Variants in IK observed in about 807,000 individuals in gnomAD.
The protein encoded by IK is protein Red.
A neutral mutation model predicts 90.9 loss-of-function variants in IK; 47 were observed. The observed-to-expected ratio is 0.52, with a 90% CI of 0.41 to 0.66. The LOEUF is 0.66. Among genes scored for constraint, IK ranks in the 30% least tolerant of loss-of-function variants. The pLI is 0.00. For synonymous variants in IK, 201 were observed against 227.5 expected, an observed-to-expected ratio of 0.88 and a Z score of 1.05; for missense variants, 385 against 709.3, an observed-to-expected ratio of 0.54 and a Z score of 5.19.
At chr5:140,660,296 T>TTTTTTTTTTTTTTTTTTTTTG (rs1757782599) in intron 15 of IK, 101 bp downstream of exon 15, 1 of 294,190 alleles carries the variant, frequency 3.4e-6, no homozygotes, top group Non-Finnish European at 5.9e-6. Flanking sequence ...CTACTTCTTT[T>TTTTTTTTTTTTTTTTTTTTTG]TTTTTTTTTT....
Position 140,647,837 on chromosome 5 carries a change from G to A in IK, c.-72G>A. On this transcript the variant is annotated 5_prime_UTR_variant, in exon 1 of 20. Transcript: ENST00000417647. ...TGGGTTGATTCTGAGGTGCACTGTG[G>A]GAAAGAGCTTGTCGCTGCGGTGTTG... 1 of 1,587,456 alleles carries A rather than the reference G, an allele frequency of 6.3e-7. No individual in the cohort carries two copies. The highest frequency in any genetic ancestry group is 8.7e-7 in the Non-Finnish European group (1 of 1,155,676).
At chr5:140,657,495 G>T in intron 9 of IK, 59 bp from the exon 10 acceptor site, 2 of 1,173,876 alleles carry the variant, frequency 1.7e-6, no homozygotes, top group South Asian at 2.7e-5. Context: ...GTGAATGAAT[G>T]AATAAATGAA....
At chr5:140,653,699 T>C (rs1056956686) in intron 5 of IK, among the ~76,000 whole-genome samples, 2 of 131,740 alleles carry the variant, frequency 1.5e-5, no homozygotes, top group Non-Finnish European at 1.6e-5. Context: ...CCGCCTCCCA[T>C]GTTCAGGCGA....
At chr5:140,662,279 A>G in intron 19 of IK, 23 bp from the exon 20 acceptor site, 1 of 1,613,948 alleles carries the variant, frequency 6.2e-7, no homozygotes, top group Non-Finnish European at 8.5e-7. Context: ...TCTTATACTG[A>G]CCCATTTCTC....
At chr5:140,660,060 A>C in intron 14 of IK, 55 bp from the exon 15 acceptor site, 1 of 1,516,534 alleles carries the variant, frequency 6.6e-7, no homozygotes. Flanking sequence ...CTCCTGGCTG[A>C]AGCTTTACAG....
intron 5 of IK, 45 bp from the exon 6 acceptor site, chr5:140,653,893 A>C (rs375938574): frequency 4.1e-6 from 5 of 1,221,980 alleles, no homozygotes; most frequent in Non-Finnish European, 6.0e-6. Context: ...GTGATCCACC[A>C]CGCCTGGACA....
intron 2 of IK, 37 bp downstream of exon 2, chr5:140,648,574 G>C (rs759845690): frequency 6.3e-7 from 1 of 1,579,632 alleles, no homozygotes; most frequent in Non-Finnish European, 8.7e-7. Flanking sequence ...AAATGAGTTG[G>C]GCAATGAATA....
chr5:140,657,420 C>A, intron 9 of IK, 134 bp from the exon 10 acceptor site: 1 of 606,608 alleles, frequency 1.6e-6, no homozygotes, highest in Non-Finnish European at 2.9e-6. Context: ...CTGGAATATC[C>A]TTTCACAGCA....
intron 9 of IK, among the ~76,000 whole-genome samples, chr5:140,656,575 T>C (rs1363581821): frequency 6.6e-6 from 1 of 152,230 alleles, no homozygotes; most frequent in Non-Finnish European, 1.5e-5. Context: ...TATCTTGTTA[T>C]TGAGGTGTTA....
At chr5:140,647,983 A>C (rs1757508762) in intron 1 of IK, 59 bp downstream of exon 1, 2 of 1,527,594 alleles carry the variant, frequency 1.3e-6, no homozygotes. Flanking sequence ...TTGGCGCATT[A>C]TTGTAGCTTC....
In IK at chr5:140,653,117, A is replaced by G; in HGVS notation, c.377A>G (p.Tyr126Cys). 1 of 1,613,934 alleles carries G rather than the reference A, an allele frequency of 6.2e-7. No individual in the cohort carries two copies. The highest frequency in any genetic ancestry group is 8.5e-7 in the Non-Finnish European group (1 of 1,179,854). Residue 126 changes from tyrosine to cysteine, a missense_variant, in exon 5 of 20, where the codon TAT (tyrosine) becomes TGT (cysteine). Physicochemically the swap from Tyr to Cys is radical, Grantham distance 194. Coordinates refer to ENST00000417647, the MANE Select transcript of IK (RefSeq NM_006083.4). ...GAGCTTATCAGCACCACAGCTAACTATAGGGCTGTTGGCCCCACTGCTGAG... is the reference window on the plus strand; with the variant it reads ...GAGCTTATCAGCACCACAGCTAACTGTAGGGCTGTTGGCCCCACTGCTGAG... ...ETELISTTANYRAVGPTAEAD... is the reference protein window; with the variant it reads ...ETELISTTANCRAVGPTAEAD...
At chr5:140,652,032 G>A in intron 3 of IK, 56 bp from the exon 4 acceptor site, 1 of 1,356,316 alleles carries the variant, frequency 7.4e-7, no homozygotes, top group Non-Finnish European at 1.1e-6. Context: ...AGACTTCTTG[G>A]GGTTTCTGGG....
intron 8 of IK, 46 bp downstream of exon 8, chr5:140,654,773 G>A (rs762263945): frequency 4.8e-6 from 6 of 1,251,440 alleles, no homozygotes; most frequent in South Asian, 2.6e-5. Flanking sequence ...TGGATGAATT[G>A]TACGGAATTT....
intron 2 of IK, 28 bp from the exon 3 acceptor site, chr5:140,651,686 T>C (rs749382742): frequency 2.6e-6 from 3 of 1,159,778 alleles, no homozygotes; most frequent in Non-Finnish European, 3.9e-6. Flanking sequence ...TGAGTCCTAA[T>C]ATTTAAAATC....
chr5:140,660,528 C>T, intron 15 of IK: 1 of 546,040 alleles, frequency 1.8e-6, no homozygotes, highest in East Asian at 3.0e-5. Flanking sequence ...GAACTCCTGA[C>T]CTCAGGTAAT....
At chr5:140,648,430 CG>C (rs761856048) in intron 1 of IK, 40 bp from the exon 2 acceptor site, 57 of 1,590,386 alleles carry the variant, frequency 3.6e-5, no homozygotes, top group Admixed American at 2.2e-4. Context: ...GGATCTGACA[CG>C]TAAGAGACTG....
chr5:140,652,052 AT>A (rs1363694753), intron 3 of IK, 35 bp from the exon 4 acceptor site: 1 of 1,553,152 alleles, frequency 6.4e-7, no homozygotes, highest in Non-Finnish European at 8.9e-7. Flanking sequence ...GGCTGTGGCA[AT>A]ATTTTGCTAT....
chr5:140,655,438 G>A (rs1355011944), intron 8 of IK, among the ~76,000 whole-genome samples: 1 of 152,202 alleles, frequency 6.6e-6, no homozygotes, highest in Non-Finnish European at 1.5e-5. Context: ...TATTGAGCAG[G>A]TAGTAGAGCT....
Position 140,657,622 on chromosome 5 carries a change from G to A in IK, c.870G>A (p.Arg290=). The A allele has an allele frequency of 1.2e-6, 2 of 1,613,528 alleles. No homozygotes were observed. Among genetic ancestry groups the A allele is most frequent in the South Asian group, 2.2e-5 (2 of 91,036 alleles). ...SKLTQILSYL[R]QGTRNKKLKK... is the part of the protein sequence containing the mutation. ...TGACCCAGATCCTTTCATACCTGAG[G>A]CAGGGAACCCGTAACAAGAAGCTTA... Residue 290 remains arginine (R), a synonymous_variant, in exon 10 of 20, where the codon AGG becomes AGA. Coordinates refer to ENST00000417647, the MANE Select transcript of IK (RefSeq NM_006083.4).
Sources: gnomAD v4.1 joint callset for allele counts (sites outside exome capture counted in the v4.1 genomes callset) on GRCh38, gnomAD v4.1.1 for gene constraint, MANE v1.5 for transcripts, NCBI Gene and HGNC (gene_info 2026-07-23, HGNC 2026-07-21) for gene names.